ZCCHC17: variants seen among roughly 807,000 people sequenced by gnomAD.
The protein encoded by ZCCHC17 is zinc finger CCHC-type containing 17.
Under a neutral mutation model 30.6 loss-of-function variants are expected in ZCCHC17, and 18 were observed. The ratio of observed to expected loss-of-function variants is 0.59; its 90% CI spans 0.41 to 0.87. ZCCHC17 has a LOEUF of 0.87. Among genes scored for constraint, ZCCHC17 ranks in the 40% least tolerant of loss-of-function variants. The probability of loss-of-function intolerance (pLI) is 0.00; values close to 1 mark genes in which losing one functional copy is unlikely to be tolerated. For missense variants in ZCCHC17, 263 were observed against 284.2 expected, an observed-to-expected ratio of 0.93 and a Z score of 0.54; for synonymous variants, 88 against 92.4, an observed-to-expected ratio of 0.95 and a Z score of 0.27.
intron 5 of ZCCHC17, among the ~76,000 whole-genome samples, chr1:31,342,212 T>G (rs1260566792): frequency 2.0e-5 from 3 of 152,088 alleles, no homozygotes; most frequent in African/African-American, 7.2e-5. Context: ...GCCTGGCTAA[T>G]TTTTGTATTT....
At chr1:31,334,899 C>T (rs948931938) in intron 3 of ZCCHC17, among the ~76,000 whole-genome samples, 5 of 152,078 alleles carry the variant, frequency 3.3e-5, no homozygotes, top group African/African-American at 1.2e-4. Flanking sequence ...ATCACTTTTC[C>T]TGAAGCATAT....
chr1:31,300,551 G>A lies in ZCCHC17; in HGVS notation c.-56+3476G>A, dbSNP rs1195008376. On this transcript the variant is annotated intron_variant, in intron 1 of 7. Coordinates refer to ENST00000344147, the MANE Select transcript of ZCCHC17 (RefSeq NM_016505.4). ...TGCCAGATAGTTAAATATAAAGACA[G>A]AGTTAAAGGGAGTTTAGAGTGTTGT... is the stretch of plus-strand genomic sequence containing the variant. Among the ~76,000 whole-genome samples, 5 of 152,320 alleles carry A rather than the reference G, an allele frequency of 3.3e-5. No homozygotes were observed. In the East Asian group the frequency reaches 9.6e-4, roughly 29 times the overall value.
intron 7 of ZCCHC17, among the ~76,000 whole-genome samples, chr1:31,356,936 T>G (rs185558209): frequency 1.9e-4 from 29 of 152,356 alleles, no homozygotes; most frequent in Admixed American, 1.5e-3. Flanking sequence ...GGTTTTGTAG[T>G]GAATCCCTGG....
rs908658890 is a variant in ZCCHC17 at position 31,318,320 on chromosome 1, C to T, written c.67-789C>T. ...TAGTGACAACATTACCCTCGATCCA[C>T]AGGTTGGGGGATGGGGTAGGCTACA... On this transcript the variant is annotated intron_variant, in intron 2 of 7. Coordinates refer to ENST00000344147, the MANE Select transcript of ZCCHC17 (RefSeq NM_016505.4). 4 of 1,173,900 alleles carry T rather than the reference C, an allele frequency of 3.4e-6. No individual in the cohort carries two copies. In the African/African-American group the frequency reaches 6.1e-5, roughly 18 times the overall value. 72.7% of individuals were successfully genotyped at this position (1,173,900 alleles called of 1,614,324 possible).
At chr1:31,319,243 T>C in intron 3 of ZCCHC17, 77 bp downstream of exon 3, 1 of 1,237,446 alleles carries the variant, frequency 8.1e-7, no homozygotes, top group Admixed American at 2.0e-5. Context: ...AATTATAGGC[T>C]GTACATTTTT....
chr1:31,364,157 A>AAAG lies in ZCCHC17; in HGVS notation c.700_702dup (p.Lys234dup). On this transcript the variant is annotated inframe_insertion, in exon 8 of 8. Coordinates refer to ENST00000344147, the MANE Select transcript of ZCCHC17 (RefSeq NM_016505.4). ...ACAGCAAGGCAGCAAAGAAGAAGAA[A>AAAG]AAGAAGAAGAAGCACAAGAAGAAGC... is the stretch of plus-strand genomic sequence containing the variant. The AAAG allele has an allele frequency of 1.2e-6, 2 of 1,613,868 alleles. No individual in the cohort carries two copies. Among genetic ancestry groups the AAAG allele is most frequent in the South Asian group, 2.2e-5 (2 of 91,060 alleles).
chr1:31,333,348 C>G (rs1278860504), intron 3 of ZCCHC17, among the ~76,000 whole-genome samples: 2 of 151,956 alleles, frequency 1.3e-5, no homozygotes, highest in Non-Finnish European at 2.9e-5. Flanking sequence ...ATAGTGAAAC[C>G]CTGTCTCTAC....
chr1:31,299,950 G>A (rs557561723), intron 1 of ZCCHC17, among the ~76,000 whole-genome samples: 5 of 152,162 alleles, frequency 3.3e-5, no homozygotes, highest in Admixed American at 6.5e-5. Flanking sequence ...TTCTAATGAG[G>A]TCAAAGAACA....
At chr1:31,337,109 T>C (rs1638850111) in intron 3 of ZCCHC17, 66 bp from the exon 4 acceptor site, 1 of 1,423,262 alleles carries the variant, frequency 7.0e-7, no homozygotes, top group East Asian at 2.4e-5. Context: ...TACCTTCTTA[T>C]CCAGTTTAGA....
chr1:31,358,634 G>A (rs1639739339), intron 7 of ZCCHC17, among the ~76,000 whole-genome samples: 1 of 151,966 alleles, frequency 6.6e-6, no homozygotes, highest in Non-Finnish European at 1.5e-5. Context: ...GTAAGTGTGG[G>A]AGTAGGGAGC....
At chr1:31,306,387 T>G (rs765232141) in intron 1 of ZCCHC17, among the ~76,000 whole-genome samples, 2 of 152,170 alleles carry the variant, frequency 1.3e-5, no homozygotes, top group Non-Finnish European at 2.9e-5. Flanking sequence ...ATGTGACTAA[T>G]GGGCACTTAA....
At chr1:31,355,875 G>A (rs967307216) in intron 7 of ZCCHC17, among the ~76,000 whole-genome samples, 4 of 152,168 alleles carry the variant, frequency 2.6e-5, no homozygotes, top group Non-Finnish European at 2.9e-5. Flanking sequence ...TCCAGCAGGA[G>A]GTTGGTTTTC....
intron 6 of ZCCHC17, among the ~76,000 whole-genome samples, chr1:31,348,328 A>C (rs532998988): frequency 5.3e-5 from 8 of 152,286 alleles, no homozygotes; most frequent in Non-Finnish European, 1.2e-4. Flanking sequence ...GACAGTCTGT[A>C]AATGTTCAGT....
At chr1:31,319,083 T>C (rs1027563619) in intron 2 of ZCCHC17, 26 bp from the exon 3 acceptor site, 2 of 1,599,352 alleles carry the variant, frequency 1.3e-6, no homozygotes, top group Non-Finnish European at 1.7e-6. Context: ...GTATGTGACA[T>C]TGATTTTTTT....
intron 7 of ZCCHC17, among the ~76,000 whole-genome samples, chr1:31,362,867 A>G (rs2148489109): frequency 6.6e-6 from 1 of 152,334 alleles, no homozygotes; most frequent in Middle Eastern, 3.4e-3. Context: ...AAAAAATCAA[A>G]TTAGACAGAA....
intron 7 of ZCCHC17, among the ~76,000 whole-genome samples, chr1:31,359,685 T>G (rs1639792428): frequency 6.6e-6 from 1 of 152,218 alleles, no homozygotes; most frequent in Non-Finnish European, 1.5e-5. Context: ...GACTAGCTGC[T>G]CTAACAAGGG....
At chr1:31,307,703 T>C (rs1646499158) in intron 1 of ZCCHC17, among the ~76,000 whole-genome samples, 1 of 151,962 alleles carries the variant, frequency 6.6e-6, no homozygotes, top group Non-Finnish European at 1.5e-5. Context: ...GCCTCCCAAG[T>C]AGTTGGGACC....
intron 7 of ZCCHC17, among the ~76,000 whole-genome samples, chr1:31,359,166 A>G (rs1487464669): frequency 2.6e-5 from 4 of 152,042 alleles, no homozygotes; most frequent in African/African-American, 7.2e-5. Context: ...GGGTCTCACT[A>G]TGTTTTCCAG....
chr1:31,364,243 G>C lies in ZCCHC17; in HGVS notation c.*50G>C. Reference sequence around the variant, plus strand: ...TTGAGAGTAAGAAACCAGGAGCCTTGTGCCTTGAGACTCCTGGAAAGACTC... The same window carrying C: ...TTGAGAGTAAGAAACCAGGAGCCTTCTGCCTTGAGACTCCTGGAAAGACTC... On this transcript the variant is annotated 3_prime_UTR_variant, in exon 8 of 8. Transcript: ENST00000344147. 1 of 1,568,282 alleles carries C rather than the reference G, an allele frequency of 6.4e-7. No homozygotes were observed. The highest frequency in any genetic ancestry group is 8.6e-7 in the Non-Finnish European group (1 of 1,160,334).
Sources: allele counts gnomAD v4.1 joint callset (sites outside exome capture counted in the v4.1 genomes callset), GRCh38; gene constraint gnomAD v4.1.1; transcripts MANE v1.5; gene names NCBI Gene and HGNC (gene_info 2026-07-23, HGNC 2026-07-21).